Variants in ADD3 observed in about 807,000 individuals in gnomAD.
ADD3 encodes adducin 3.
ADD3 carries 25 observed loss-of-function variants against 80.2 expected under a neutral mutation model. The observed-to-expected ratio is 0.31, with a 90% CI of 0.23 to 0.44. The LOEUF is 0.44. Ranked by LOEUF, ADD3 falls within the 20% of genes least tolerant of loss-of-function variation. The pLI, the probability that ADD3 is intolerant of heterozygous loss-of-function variation, is 1.00. For synonymous variants in ADD3, 284 were observed against 289.6 expected (o/e 0.98, Z 0.20); for missense variants, 829 against 847.5 (o/e 0.98, Z 0.27).
rs187706626 is a variant in ADD3, at chr10:110,094,155, C to A, written c.-29-6470C>A. On this transcript the variant is annotated intron_variant, in intron 1 of 14. Transcript: ENST00000356080. ...TACAAGCACTAGAATTTTAGTTCTT[C>A]TTAATAGCCTGTTCCTCTCAGTGGA... is the stretch of plus-strand genomic sequence containing the variant. Among the ~76,000 whole-genome samples, 14 of 152,208 alleles carry A rather than the reference C, an allele frequency of 9.2e-5. No individual in the cohort carries two copies. In the East Asian group the frequency reaches 2.7e-3, roughly 29 times the overall value.
upstream of ADD3, among the ~76,000 whole-genome samples, chr10:110,000,962 C>T (rs1287902670): frequency 3.9e-5 from 6 of 152,160 alleles, no homozygotes. Flanking sequence ...ATACTAAGAA[C>T]ACTAGACAAG....
At chr10:110,083,462 GC>G (rs1225694437) in intron 1 of ADD3, among the ~76,000 whole-genome samples, 3 of 151,980 alleles carry the variant, frequency 2.0e-5, no homozygotes, top group Non-Finnish European at 4.4e-5. Flanking sequence ...CTTGCAGTGA[GC>G]CGAGATCGCG....
Position 110,097,718 on chromosome 10 carries a change from G to A in ADD3, c.-29-2907G>A, listed in dbSNP as rs918935545. On this transcript the variant is annotated intron_variant, in intron 1 of 14. Coordinates refer to ENST00000356080, the MANE Select transcript of ADD3 (RefSeq NM_016824.5). ...TGTTGCATTTAATTGTCACGTCTTA[G>A]TCTCCTTTGTCTTCTTTAATCTGGA... Among the ~76,000 whole-genome samples the A allele has an allele frequency of 5.9e-5, 9 of 151,458 alleles. No homozygotes were observed. The South Asian group carries it at 1.9e-3, about 32-fold the overall frequency.
intron 1 of ADD3, among the ~76,000 whole-genome samples, chr10:110,035,901 C>G (rs1855582511): frequency 6.6e-6 from 1 of 152,136 alleles, no homozygotes; most frequent in South Asian, 2.1e-4. Context: ...CCTGTAATCC[C>G]AACACTTTGG....
In ADD3 at chr10:110,044,420, TATC is replaced by T. The variant is rs374690866; in HGVS notation, c.-30+36124_-30+36126del. Among the ~76,000 whole-genome samples the T allele has an allele frequency of 3.5e-4, 54 of 152,334 alleles. No homozygotes were observed. The East Asian group carries it at 0.01, about 29-fold the overall frequency. ...TAGAACTTCATACTTAATTGATGCT[TATC>T]ATATGATTTTTGAGAGATGAATCAA... On this transcript the variant is annotated intron_variant, in intron 1 of 14. Coordinates refer to ENST00000356080, the MANE Select transcript of ADD3 (RefSeq NM_016824.5).
chr10:110,119,488 G>A lies in ADD3; in HGVS notation c.884G>A (p.Gly295Asp), dbSNP rs1193745299. 2 of 1,614,136 alleles carry A rather than the reference G, an allele frequency of 1.2e-6. No individual in the cohort carries two copies. Among genetic ancestry groups the A allele is most frequent in the Non-Finnish European group, 8.5e-7 (1 of 1,179,974 alleles). ...SCKVLVLRNH[G>D]VVALGETLEE... is the part of the protein sequence containing the mutation. ...TAGGTGCTGGTACTCAGGAATCATG[G>A]TGTGGTTGCACTTGGAGAAACATTA... Residue 295 changes from glycine to aspartate, a missense_variant, in exon 8 of 15, where the codon GGT (glycine) becomes GAT (aspartate). Gly to Asp is a moderately conservative substitution (Grantham distance 94, BLOSUM62 -1). Transcript: ENST00000356080.
intron 1 of ADD3, among the ~76,000 whole-genome samples, chr10:110,013,719 T>C (rs915444982): frequency 1.3e-5 from 2 of 152,240 alleles, no homozygotes; most frequent in African/African-American, 4.8e-5. Context: ...TGTGATTTCT[T>C]ACTTTCCCCT....
intron 12 of ADD3, among the ~76,000 whole-genome samples, chr10:110,129,231 C>A (rs745371896): frequency 6.6e-6 from 1 of 150,972 alleles, no homozygotes. Context: ...CTCACGGCAA[C>A]CTCCGCCTCC....
intron 1 of ADD3, among the ~76,000 whole-genome samples, chr10:110,017,117 G>T (rs1194704733): frequency 6.6e-6 from 1 of 152,270 alleles, no homozygotes; most frequent in South Asian, 2.1e-4. Flanking sequence ...AGATCGTACC[G>T]TTAACAAAGG....
upstream of ADD3, among the ~76,000 whole-genome samples, chr10:110,003,973 AT>A (rs934760316): frequency 6.6e-6 from 1 of 151,956 alleles, no homozygotes; most frequent in African/African-American, 2.4e-5. Context: ...TCGTGTATTC[AT>A]TTTTTAAAGT....
chr10:110,017,747 A>G (rs1191955272), intron 1 of ADD3, among the ~76,000 whole-genome samples: 1 of 152,222 alleles, frequency 6.6e-6, no homozygotes, highest in Non-Finnish European at 1.5e-5. Context: ...TACGTTCTGT[A>G]TACTGAATAA....
intron 1 of ADD3, among the ~76,000 whole-genome samples, chr10:110,098,503 CATT>C (rs1431989507): frequency 2.0e-5 from 3 of 152,304 alleles, no homozygotes; most frequent in Admixed American, 2.0e-4. Flanking sequence ...AATGGGTAGA[CATT>C]GTGCTATTTG....
intron 14 of ADD3, 89 bp downstream of exon 14, chr10:110,132,489 AC>A: frequency 1.4e-6 from 1 of 736,156 alleles, no homozygotes; most frequent in African/African-American, 1.8e-5. Flanking sequence ...GAAGTTGAAT[AC>A]CTCATCACAG....
intron 1 of ADD3, among the ~76,000 whole-genome samples, chr10:110,009,079 C>G (rs1589700989): frequency 1.3e-5 from 2 of 152,106 alleles, no homozygotes; most frequent in Non-Finnish European, 2.9e-5. Context: ...TTTTTTGTTG[C>G]AGAGATTTAA....
chr10:110,081,744 C>T (rs1846083115), intron 1 of ADD3, among the ~76,000 whole-genome samples: 1 of 152,084 alleles, frequency 6.6e-6, no homozygotes, highest in Non-Finnish European at 1.5e-5. Context: ...TATATGAAAC[C>T]ACGCTTGAAA....
At chr10:110,096,231 C>T (rs769056696) in intron 1 of ADD3, among the ~76,000 whole-genome samples, 2 of 152,186 alleles carry the variant, frequency 1.3e-5, no homozygotes, top group Admixed American at 6.5e-5. Context: ...GCTCCACATT[C>T]GTTAAGCATG....
chr10:110,034,220 A>C (rs1855380289), intron 1 of ADD3, among the ~76,000 whole-genome samples: 1 of 152,150 alleles, frequency 6.6e-6, no homozygotes, highest in Non-Finnish European at 1.5e-5. Context: ...GTAGTTACAA[A>C]TATCTCAGCC....
At chr10:110,012,575 A>G (rs1852454993) in intron 1 of ADD3, among the ~76,000 whole-genome samples, 1 of 152,232 alleles carries the variant, frequency 6.6e-6, no homozygotes, top group African/African-American at 2.4e-5. Context: ...GTCTAGCATA[A>G]TCCAAATAGT....
intron 1 of ADD3, among the ~76,000 whole-genome samples, chr10:110,093,393 T>G (rs1465972104): frequency 6.6e-6 from 1 of 152,238 alleles, no homozygotes; most frequent in Non-Finnish European, 1.5e-5. Context: ...TTCTGAGGTT[T>G]GTTTTGTTTC....
Sources: gnomAD v4.1 joint callset for allele counts (sites outside exome capture counted in the v4.1 genomes callset) on GRCh38, gnomAD v4.1.1 for gene constraint, MANE v1.5 for transcripts, NCBI Gene and HGNC (gene_info 2026-07-23, HGNC 2026-07-21) for gene names.